The following SORCS2 variants were observed in gnomAD, a reference collection of about 807,000 sequenced individuals.
The protein encoded by SORCS2 is sortilin related VPS10 domain containing receptor 2.
A neutral mutation model predicts 141.6 loss-of-function variants in SORCS2; 100 were observed. The ratio of observed to expected loss-of-function variants is 0.71; its 90% CI spans 0.60 to 0.83. The LOEUF is 0.83. Ranked by LOEUF, SORCS2 falls within the 40% of genes least tolerant of loss-of-function variation. The pLI is 0.00. For synonymous variants in SORCS2, 789 were observed against 676.9 expected (o/e 1.17, Z -2.57); for missense variants, 1,646 against 1,560.2 (o/e 1.05, Z -0.93).
At chr4:7,237,256 G>T (rs1311509454) in intron 1 of SORCS2, among the ~76,000 whole-genome samples, 3 of 152,230 alleles carry the variant, frequency 2.0e-5, no homozygotes, top group Non-Finnish European at 4.4e-5. Flanking sequence ...AAGATGCCCA[G>T]GAAAACCTCC....
intron 1 of SORCS2, among the ~76,000 whole-genome samples, chr4:7,307,317 A>T (rs1249813051): frequency 6.6e-6 from 1 of 152,224 alleles, no homozygotes. Context: ...CTTCTGAGCC[A>T]CCTGGAAGTT....
At chr4:7,439,159 GAGGAAGGA>G (rs202180753) in intron 2 of SORCS2, among the ~76,000 whole-genome samples, 1 of 151,634 alleles carries the variant, frequency 6.6e-6, no homozygotes, top group Non-Finnish European at 1.5e-5. Flanking sequence ...TGGGGTGAAA[GAGGAAGGA>G]AGGAAGGAAG....
intron 1 of SORCS2, among the ~76,000 whole-genome samples, chr4:7,310,778 C>T (rs1274283557): frequency 6.6e-6 from 1 of 152,184 alleles, no homozygotes; most frequent in Non-Finnish European, 1.5e-5. Flanking sequence ...ATTGTATCAG[C>T]AAATCTTGGC....
At chr4:7,590,980 C>T (rs1434700356) in intron 3 of SORCS2, among the ~76,000 whole-genome samples, 9 of 152,176 alleles carry the variant, frequency 5.9e-5, no homozygotes, top group African/African-American at 1.4e-4. Flanking sequence ...TGGCAGCTTC[C>T]AGTCAGGAAA....
At chr4:7,347,765 G>C (rs148227686) in intron 1 of SORCS2, among the ~76,000 whole-genome samples, 97 of 152,292 alleles carry the variant, frequency 6.4e-4, no homozygotes, top group African/African-American at 2.2e-3. Context: ...TCTGTAGTTA[G>C]TACATTTTAA....
At chr4:7,203,497 C>T (rs1452072041) in intron 1 of SORCS2, among the ~76,000 whole-genome samples, 2 of 146,256 alleles carry the variant, frequency 1.4e-5, no homozygotes, top group South Asian at 2.4e-4. Context: ...CTGGCCTGGG[C>T]GACAGAGCAA....
intron 3 of SORCS2, among the ~76,000 whole-genome samples, chr4:7,611,662 G>A (rs1425636031): frequency 6.6e-6 from 1 of 152,212 alleles, no homozygotes; most frequent in African/African-American, 2.4e-5. Flanking sequence ...AAAACTGGTT[G>A]TTAGGTTTTT....
At chr4:7,321,418 G>T (rs548889877) in intron 1 of SORCS2, among the ~76,000 whole-genome samples, 3 of 152,160 alleles carry the variant, frequency 2.0e-5, no homozygotes, top group Non-Finnish European at 4.4e-5. Flanking sequence ...AATGAATTCA[G>T]TGAAGTCTCA....
intron 2 of SORCS2, among the ~76,000 whole-genome samples, chr4:7,452,787 C>T (rs1451382045): frequency 2.0e-5 from 3 of 152,264 alleles, no homozygotes; most frequent in Admixed American, 6.5e-5. Flanking sequence ...AGAGCTTGGA[C>T]GTGTTAGTGT....
At chr4:7,245,380 G>T (rs971648902) in intron 1 of SORCS2, among the ~76,000 whole-genome samples, 2 of 152,226 alleles carry the variant, frequency 1.3e-5, no homozygotes, top group African/African-American at 4.8e-5. Flanking sequence ...TTGCTCCTCC[G>T]GGATGCCCGT....
intron 1 of SORCS2, among the ~76,000 whole-genome samples, chr4:7,238,862 C>T (rs1203125669): frequency 6.6e-6 from 1 of 152,186 alleles, no homozygotes; most frequent in Non-Finnish European, 1.5e-5. Context: ...GAGGTCTGTC[C>T]CGGCCATGTG....
intron 3 of SORCS2, among the ~76,000 whole-genome samples, chr4:7,589,005 T>C (rs1716727224): frequency 1.3e-5 from 2 of 152,330 alleles, no homozygotes; most frequent in Admixed American, 1.3e-4. Context: ...GGGAACAGCA[T>C]GTGCAGAGAC....
At chr4:7,277,434 C>T (rs141514927) in intron 1 of SORCS2, among the ~76,000 whole-genome samples, 3 of 152,184 alleles carry the variant, frequency 2.0e-5, no homozygotes, top group East Asian at 3.9e-4. Flanking sequence ...ACGGGCTTTC[C>T]GTGACGAAGA....
intron 2 of SORCS2, among the ~76,000 whole-genome samples, chr4:7,429,505 G>A (rs1324531291): frequency 6.6e-6 from 1 of 152,248 alleles, no homozygotes; most frequent in Admixed American, 6.5e-5. Flanking sequence ...GTAACTTAAA[G>A]ATCTGTAAAA....
At chr4:7,498,790 A>G (rs548103705) in intron 2 of SORCS2, among the ~76,000 whole-genome samples, 7 of 152,360 alleles carry the variant, frequency 4.6e-5, no homozygotes, top group African/African-American at 1.7e-4. Flanking sequence ...GAATGCCAGC[A>G]TGAGCAACCC....
At chr4:7,467,688 G>A (rs377660283) in intron 2 of SORCS2, among the ~76,000 whole-genome samples, 1 of 152,168 alleles carries the variant, frequency 6.6e-6, no homozygotes, top group Non-Finnish European at 1.5e-5. Flanking sequence ...TCCAGTCCCA[G>A]CTCTGGCCTC....
chr4:7,282,893 G>T (rs1256322233), intron 1 of SORCS2, among the ~76,000 whole-genome samples: 1 of 152,154 alleles, frequency 6.6e-6, no homozygotes, highest in African/African-American at 2.4e-5. Context: ...GGAAGTGGGG[G>T]GTTCAGCATC....
chr4:7,658,775 G>C (rs905667823), intron 5 of SORCS2, among the ~76,000 whole-genome samples: 6 of 152,210 alleles, frequency 3.9e-5, no homozygotes, highest in Admixed American at 6.5e-5. Context: ...TGGGGATCCT[G>C]GTGCCAGGCA....
intron 2 of SORCS2, among the ~76,000 whole-genome samples, chr4:7,440,342 G>T (rs1056592603): frequency 1.3e-5 from 2 of 152,246 alleles, no homozygotes; most frequent in African/African-American, 4.8e-5. Flanking sequence ...TTCAAGGACA[G>T]CCATCTTTCA....
Sources: gnomAD v4.1 joint callset for allele counts (sites outside exome capture counted in the v4.1 genomes callset) on GRCh38, gnomAD v4.1.1 for gene constraint, MANE v1.5 for transcripts, NCBI Gene and HGNC (gene_info 2026-07-23, HGNC 2026-07-21) for gene names.